The following CATSPERG variants were observed in gnomAD, a reference collection of about 807,000 sequenced individuals.
CATSPERG encodes the protein catsper channel auxiliary subunit gamma, also known as cation channel sperm-associated auxiliary subunit gamma.
CATSPERG carries 115 observed loss-of-function variants against 145.0 expected under a neutral mutation model. The observed-to-expected ratio is 0.79, with a 90% CI of 0.68 to 0.93. CATSPERG has a LOEUF of 0.93. Among genes scored for constraint, CATSPERG ranks in the 40% least tolerant of loss-of-function variants. The probability of loss-of-function intolerance (pLI) is 0.00; values close to 1 mark genes in which losing one functional copy is unlikely to be tolerated. For missense variants in CATSPERG, 1,296 were observed against 1,490.1 expected (o/e 0.87, Z 2.14); for synonymous variants, 588 against 589.0 (o/e 1.00, Z 0.02).
Position 38,365,058 on chromosome 19 carries a change from C to T in CATSPERG, c.2557-3C>T, listed in dbSNP as rs375459574. 18 of 1,613,964 alleles carry T rather than the reference C, an allele frequency of 1.1e-5. No individual in the cohort carries two copies. Among genetic ancestry groups the T allele is most frequent in the Non-Finnish European group, 1.5e-5 (18 of 1,180,036 alleles). ...CACCATCTTCACCTGCTCCTACCCACAGGTGGTGGGTTCATCCGGGCTCTG... is the reference window on the plus strand; with the variant it reads ...CACCATCTTCACCTGCTCCTACCCATAGGTGGTGGGTTCATCCGGGCTCTG... On this transcript the variant is annotated splice_region_variant and splice_polypyrimidine_tract_variant and intron_variant, in intron 21 of 28. Transcript: ENST00000409235.
chr19:38,368,088 A>T lies in CATSPERG; in HGVS notation c.2971A>T (p.Thr991Ser). Residue 991 changes from threonine (T) to serine (S), a missense_variant, in exon 26 of 29, where the codon ACC (threonine) becomes TCC (serine). By Grantham distance (58) the Thr-to-Ser change is moderately conservative (BLOSUM62 1). Transcript: ENST00000409235. The stretch of plus-strand genomic sequence containing the variant: ...CTGGACCACGAGGACCACAAGGACC[A>T]CCAAAGACTCAGCCTTTCACATCAT... Reference protein sequence around the residue: ...LIWTTRTTRTTKDSAFHIMSH... With the variant: ...LIWTTRTTRTSKDSAFHIMSH... 1.2e-6 allele frequency: 2 copies of T among 1,614,142 alleles called. No individual in the cohort carries two copies. The highest frequency in any genetic ancestry group is 2.2e-5 in the South Asian group (2 of 91,078).
In CATSPERG at chr19:38,362,871, G is replaced by GTTTTTT. The variant is rs553363428; in HGVS notation, c.2475+58_2475+63dup. On this transcript the variant is annotated intron_variant, in intron 20 of 28. Transcript: ENST00000409235. ...GGGAGTTGGGATCAAGGGAGGTTTT[G>GTTTTTT]TTTTTTTTTTTTTTTTTTTTTTTTG... 321 of 452,868 alleles carry GTTTTTT rather than the reference G, an allele frequency of 7.1e-4. 3 individuals carry two copies. Among genetic ancestry groups the GTTTTTT allele is most frequent in the African/African-American group, 9.3e-4 (29 of 31,102 alleles). 28.1% of individuals were successfully genotyped at this position (452,868 alleles called of 1,614,324 possible).
intron 9 of CATSPERG, among the ~76,000 whole-genome samples, chr19:38,355,516 G>A (rs955332182): frequency 1.3e-5 from 2 of 152,060 alleles, no homozygotes; most frequent in Non-Finnish European, 2.9e-5. Context: ...GGCCAACATG[G>A]CGAAACCCCA....
At chr19:38,360,372 G>C in intron 14 of CATSPERG, 117 bp from the exon 15 acceptor site, 1 of 1,504,766 alleles carries the variant, frequency 6.6e-7, no homozygotes, top group Non-Finnish European at 8.8e-7. Flanking sequence ...CCCAGTGGAG[G>C]TGAGTTTCCA....
At position 38,358,544 on chromosome 19, in the gene CATSPERG, C is replaced by T. The variant is rs760965884; in HGVS notation, c.1479C>T (p.Gly493=). The change falls in exon 13 of 29, where the codon GGC becomes GGT. Residue 493 remains glycine, a synonymous_variant. Transcript: ENST00000409235. ...NPYNNLIFIW[G]NFLLQSSNKE... ...ACAACAATCTGATCTTCATCTGGGG[C>T]AACTTCCTCCTGCAGAGGTGGGCCT... 3.0e-5 allele frequency: 48 copies of T among 1,614,070 alleles called. No individual in the cohort carries two copies. The South Asian group carries it at 5.3e-4, about 18-fold the overall frequency.
At chr19:38,347,650 G>A (rs1970062817) in intron 7 of CATSPERG, among the ~76,000 whole-genome samples, 1 of 152,056 alleles carries the variant, frequency 6.6e-6, no homozygotes, top group African/African-American at 2.4e-5. Context: ...GCTTTAAGAA[G>A]TGCACCCACA....
Position 38,370,272 on chromosome 19 carries a change from C to G in CATSPERG, c.3213+14C>G. On this transcript the variant is annotated intron_variant, in intron 28 of 28. Transcript: ENST00000409235. ...TTCATCATCATGGTGAGTGGCTGTC[C>G]GGGAGCTGCCCTACTGGGTGGGCAG... is the stretch of plus-strand genomic sequence containing the variant. 1 of 1,610,262 alleles carries G rather than the reference C, an allele frequency of 6.2e-7. No individual in the cohort carries two copies. Among genetic ancestry groups the G allele is most frequent in the Non-Finnish European group, 8.5e-7 (1 of 1,178,558 alleles).
In CATSPERG at chr19:38,337,282, C is replaced by G. The variant is rs1211458003; in HGVS notation, c.48C>G (p.Val16=). The change falls in exon 2 of 29, where the codon GTC becomes GTG. Residue 16 remains valine (V), a synonymous_variant. Transcript: ENST00000409235. ...MFPAGPPWPR[V]RVVQVLWALL... is the part of the protein sequence containing the mutation. Reference sequence around the variant, plus strand: ...CTGCCGGTCCTCCGTGGCCCAGAGTCCGAGTCGTGCAGGTGCTGTGGGCCC... The same window carrying G: ...CTGCCGGTCCTCCGTGGCCCAGAGTGCGAGTCGTGCAGGTGCTGTGGGCCC... 2.6e-6 allele frequency: 4 copies of G among 1,551,518 alleles called. No homozygotes were observed. In the East Asian group the frequency reaches 9.8e-5, roughly 38 times the overall value.
At position 38,354,962 on chromosome 19, in the gene CATSPERG, G is replaced by C. The variant is rs566965397; in HGVS notation, c.1135+115G>C. On this transcript the variant is annotated intron_variant, in intron 9 of 28. Transcript: ENST00000409235. The stretch of plus-strand genomic sequence containing the variant: ...CATGTGCCCTGAGGAGGGCCCCTAG[G>C]CTGAGGGTGATGGTGGTGGTGGAGG... The C allele has an allele frequency of 7.3e-6, 9 of 1,229,164 alleles. No homozygotes were observed. The South Asian group carries it at 1.3e-4, about 18-fold the overall frequency. 76.1% of individuals were successfully genotyped at this position (1,229,164 alleles called of 1,614,324 possible).
At chr19:38,365,494 A>C in intron 22 of CATSPERG, 1 of 199,532 alleles carries the variant, frequency 5.0e-6, no homozygotes, top group Non-Finnish European at 1.0e-5. Flanking sequence ...ATGGTCACAA[A>C]CTCCTAAACT....
rs1369431861 is a variant in CATSPERG at position 38,343,961 on chromosome 19, C to CG, written c.470-32_470-31insG. 9.7e-6 allele frequency: 15 copies of CG among 1,546,914 alleles called. 1 individual carries two copies. In the African/African-American group the frequency reaches 1.8e-4, roughly 18 times the overall value. On this transcript the variant is annotated intron_variant, in intron 4 of 28. Transcript: ENST00000409235. ...CCTGGAACCGGCCATTGGGAGGCCC[C>CG]AGCAGTTTCAGTGCCCAGGGCCTCC...
At chr19:38,356,311 G>C (rs1484991926) in intron 9 of CATSPERG, among the ~76,000 whole-genome samples, 173 bp from the exon 10 acceptor site, 2 of 152,170 alleles carry the variant, frequency 1.3e-5, no homozygotes, top group African/African-American at 4.8e-5. Flanking sequence ...TCTCATGACT[G>C]TGACCAAAGA....
rs758162507 is a variant in CATSPERG at position 38,360,457 on chromosome 19, GAC to G, written c.1609-22_1609-21del. The G allele has an allele frequency of 3.1e-6, 5 of 1,612,578 alleles. No individual in the cohort carries two copies. In the Admixed American group the frequency reaches 8.3e-5, roughly 27 times the overall value. ...TGGGATCAGAGGACCCCATGGTCCTGACACACACACATCCGGCTGTCATACCC... is the reference window on the plus strand; with the variant it reads ...TGGGATCAGAGGACCCCATGGTCCTGACACACACATCCGGCTGTCATACCC... On this transcript the variant is annotated intron_variant, in intron 14 of 28. Coordinates refer to ENST00000409235, the MANE Select transcript of CATSPERG (RefSeq NM_021185.5).
At chr19:38,346,747 A>G (rs1970048431) in intron 7 of CATSPERG, 142 bp downstream of exon 7, 1 of 753,424 alleles carries the variant, frequency 1.3e-6, no homozygotes, top group Admixed American at 3.4e-5. Context: ...ATGAAGAAAA[A>G]ACACAAGATT....
In CATSPERG at chr19:38,365,053, A is replaced by G; in HGVS notation, c.2557-8A>G. 6.2e-7 allele frequency: 1 copy of G among 1,613,914 alleles called. No homozygotes were observed. Among genetic ancestry groups the G allele is most frequent in the South Asian group, 1.1e-5 (1 of 91,072 alleles). ...GGGATCACCATCTTCACCTGCTCCT[A>G]CCCACAGGTGGTGGGTTCATCCGGG... is the stretch of plus-strand genomic sequence containing the variant. On this transcript the variant is annotated splice_region_variant and splice_polypyrimidine_tract_variant and intron_variant, in intron 21 of 28. Coordinates refer to ENST00000409235, the MANE Select transcript of CATSPERG (RefSeq NM_021185.5).
rs1383695113 is a variant in CATSPERG at position 38,348,144 on chromosome 19, C to T, written c.825+1539C>T. On this transcript the variant is annotated intron_variant, in intron 7 of 28. Coordinates refer to ENST00000409235, the MANE Select transcript of CATSPERG (RefSeq NM_021185.5). Reference sequence around the variant, plus strand: ...CTGTTCTGAGCCAAGTCTATTCAGACATTGTTTAATTTACACCAACTTTTT... The same window carrying T: ...CTGTTCTGAGCCAAGTCTATTCAGATATTGTTTAATTTACACCAACTTTTT... 2.0e-5 allele frequency among the ~76,000 whole-genome samples: 3 copies of T among 152,054 alleles called. No individual in the cohort carries two copies. The East Asian group carries it at 5.8e-4, about 29-fold the overall frequency.
intron 19 of CATSPERG, 25 bp from the exon 20 acceptor site, chr19:38,362,689 T>C (rs1234478125): frequency 1.9e-6 from 3 of 1,612,242 alleles, no homozygotes; most frequent in Non-Finnish European, 1.7e-6. Context: ...AGGGAGGCCT[T>C]AACCCCGTTT....
At chr19:38,341,104 T>G (rs1457642205) in intron 3 of CATSPERG, among the ~76,000 whole-genome samples, 1 of 150,368 alleles carries the variant, frequency 6.7e-6, no homozygotes, top group Non-Finnish European at 1.5e-5. Flanking sequence ...TGGAGCAGAG[T>G]GAGTGAGAGG....
intron 7 of CATSPERG, among the ~76,000 whole-genome samples, chr19:38,351,738 C>T (rs1970145220): frequency 6.6e-6 from 1 of 151,944 alleles, no homozygotes; most frequent in Admixed American, 6.6e-5. Flanking sequence ...GAGACCTCAC[C>T]TCTACAAAAA....
Sources: allele counts gnomAD v4.1 joint callset (sites outside exome capture counted in the v4.1 genomes callset), GRCh38; gene constraint gnomAD v4.1.1; transcripts MANE v1.5; gene names NCBI Gene and HGNC (gene_info 2026-07-23, HGNC 2026-07-21).